COL25A1: variants seen among roughly 807,000 people sequenced by gnomAD.
The protein encoded by COL25A1 is collagen alpha-1(XXV) chain.
Under a neutral mutation model 128.4 loss-of-function variants are expected in COL25A1, and 103 were observed. The ratio of observed to expected loss-of-function variants is 0.80; its 90% CI spans 0.68 to 0.94. The LOEUF (loss-of-function observed/expected upper bound fraction) is 0.94, where lower values mean the gene tolerates loss of function less well. Ranked by LOEUF, COL25A1 falls within the 40% of genes least tolerant of loss-of-function variation. The pLI is 0.00. For synonymous variants in COL25A1, 279 were observed against 277.2 expected (o/e 1.01, Z -0.06); for missense variants, 745 against 840.0 (o/e 0.89, Z 1.40).
intron 3 of COL25A1, among the ~76,000 whole-genome samples, chr4:109,275,293 G>A (rs1308465785): frequency 3.3e-5 from 5 of 152,126 alleles, no homozygotes; most frequent in African/African-American, 4.8e-5. Flanking sequence ...CCTGAAAAAG[G>A]ACCCCCTGTG....
intron 5 of COL25A1, among the ~76,000 whole-genome samples, chr4:109,035,126 C>T (rs1336295476): frequency 6.6e-6 from 1 of 152,106 alleles, no homozygotes; most frequent in Non-Finnish European, 1.5e-5. Context: ...TATCCTTTTT[C>T]AAGAGATTTA....
chr4:108,848,555 A>G (rs1735376932), intron 27 of COL25A1, among the ~76,000 whole-genome samples: 1 of 152,218 alleles, frequency 6.6e-6, no homozygotes, highest in African/African-American at 2.4e-5. Flanking sequence ...TATTAAGAAC[A>G]AAACTGAAGT....
intron 13 of COL25A1, among the ~76,000 whole-genome samples, chr4:108,911,597 A>G (rs1412890402): frequency 6.6e-6 from 1 of 152,188 alleles, no homozygotes; most frequent in Non-Finnish European, 1.5e-5. Flanking sequence ...TCAATGAATG[A>G]CTGAGGAAAT....
In COL25A1 at chr4:109,065,477, T is replaced by C. The variant is rs149494829; in HGVS notation, c.368-15298A>G. Among the ~76,000 whole-genome samples, 246 of 151,946 alleles carry C rather than the reference T, an allele frequency of 1.6e-3. 1 individual carries two copies. Among genetic ancestry groups the C allele is most frequent in the Middle Eastern group, 6.8e-3 (2 of 294 alleles). ...TTGTATTTATTGCACTAGAAAATGT[T>C]GATGTAGTAATCCAAGCAACACCAA... On this transcript the variant is annotated intron_variant, in intron 3 of 37. Transcript: ENST00000399132.
chr4:109,155,539 A>T (rs1771945410), intron 3 of COL25A1, among the ~76,000 whole-genome samples: 1 of 152,222 alleles, frequency 6.6e-6, no homozygotes, highest in Admixed American at 6.5e-5. Context: ...TGCTAGAGAG[A>T]TAGGTTAAAA....
At chr4:109,255,185 A>C (rs1378880676) in intron 3 of COL25A1, among the ~76,000 whole-genome samples, 2 of 152,250 alleles carry the variant, frequency 1.3e-5, no homozygotes, top group African/African-American at 4.8e-5. Flanking sequence ...ATGAATTTGT[A>C]ATTTATCAAA....
At chr4:108,846,905 ATT>A (rs36023184) in intron 27 of COL25A1, among the ~76,000 whole-genome samples, 47 of 131,744 alleles carry the variant, frequency 3.6e-4, no homozygotes, top group Admixed American at 6.4e-4. Context: ...GAATTTTGTA[ATT>A]TTTTTTTTTT....
At chr4:109,065,169 C>T (rs1475668107) in intron 3 of COL25A1, among the ~76,000 whole-genome samples, 1 of 152,176 alleles carries the variant, frequency 6.6e-6, no homozygotes, top group Non-Finnish European at 1.5e-5. Context: ...GTGCTCAGGG[C>T]ATGATGCAGG....
At chr4:108,845,354 A>T (rs1230392350) in intron 28 of COL25A1, 103 bp from the exon 29 acceptor site, 8 of 869,326 alleles carry the variant, frequency 9.2e-6, no homozygotes, top group Non-Finnish European at 1.6e-5. Flanking sequence ...ACATTTTATA[A>T]TATTATGCAC....
intron 24 of COL25A1, among the ~76,000 whole-genome samples, chr4:108,856,920 A>G (rs1217429498): frequency 6.6e-6 from 1 of 152,174 alleles, no homozygotes; most frequent in African/African-American, 2.4e-5. Flanking sequence ...ATTTATTCCA[A>G]TAACATCCTT....
At chr4:108,886,482 G>A (rs1274607182) in intron 18 of COL25A1, among the ~76,000 whole-genome samples, 1 of 106,466 alleles carries the variant, frequency 9.4e-6, no homozygotes, top group South Asian at 3.0e-4. Flanking sequence ...GTGTGTGTGT[G>A]TGTGTGTGTG....
chr4:109,244,067 T>G (rs547880155), intron 3 of COL25A1, among the ~76,000 whole-genome samples: 3 of 152,092 alleles, frequency 2.0e-5, no homozygotes, highest in African/African-American at 7.2e-5. Context: ...CCCCTACTTT[T>G]GTTGATCTCA....
intron 10 of COL25A1, among the ~76,000 whole-genome samples, 176 bp downstream of exon 10, chr4:108,940,363 C>A (rs1365085562): frequency 6.6e-6 from 1 of 152,120 alleles, no homozygotes; most frequent in Admixed American, 6.5e-5. Flanking sequence ...TGCTTGGGGA[C>A]TTTCCCATCA....
intron 5 of COL25A1, among the ~76,000 whole-genome samples, chr4:109,029,649 T>A (rs757771740): frequency 6.6e-6 from 1 of 152,186 alleles, no homozygotes; most frequent in Non-Finnish European, 1.5e-5. Context: ...CATATACGTA[T>A]AGGATTTGGT....
intron 8 of COL25A1, among the ~76,000 whole-genome samples, chr4:108,958,133 T>C (rs1750281267): frequency 6.6e-6 from 1 of 152,128 alleles, no homozygotes; most frequent in African/African-American, 2.4e-5. Context: ...TATTTTTATA[T>C]CAAGGTGGAC....
chr4:109,244,158 T>C (rs1159384992), intron 3 of COL25A1, among the ~76,000 whole-genome samples: 4 of 104,350 alleles, frequency 3.8e-5, no homozygotes, highest in Admixed American at 9.6e-5. Flanking sequence ...AAAAAAAGCA[T>C]GGTTTTTTTC....
At chr4:109,229,383 C>A (rs7689274) in intron 3 of COL25A1, among the ~76,000 whole-genome samples, 4,709 of 152,290 alleles carry the variant, frequency 0.031, 245 homozygotes, top group African/African-American at 0.11. Flanking sequence ...GGCAACCATT[C>A]AATACATAAC....
At chr4:108,885,970 T>C (rs1740725266) in intron 18 of COL25A1, among the ~76,000 whole-genome samples, 2 of 152,210 alleles carry the variant, frequency 1.3e-5, no homozygotes, top group Non-Finnish European at 2.9e-5. Flanking sequence ...CATGCATACA[T>C]AGACACACAC....
At chr4:109,220,189 A>G (rs1478654473) in intron 3 of COL25A1, among the ~76,000 whole-genome samples, 1 of 152,202 alleles carries the variant, frequency 6.6e-6, no homozygotes, top group Non-Finnish European at 1.5e-5. Flanking sequence ...TCTGGAAGAC[A>G]TTTAGTATGA....
Sources: gnomAD v4.1 joint callset for allele counts (sites outside exome capture counted in the v4.1 genomes callset) on GRCh38, gnomAD v4.1.1 for gene constraint, MANE v1.5 for transcripts, NCBI Gene and HGNC (gene_info 2026-07-23, HGNC 2026-07-21) for gene names.